ARMH3: variants seen among roughly 807,000 people sequenced by gnomAD.
The protein encoded by ARMH3 is armadillo like helical domain containing 3, also known as armadillo-like helical domain-containing protein 3.
A neutral mutation model predicts 99.1 loss-of-function variants in ARMH3; 60 were observed. That is an observed-to-expected ratio of 0.61 (90% CI 0.49 to 0.75). The LOEUF (loss-of-function observed/expected upper bound fraction) is 0.75, where lower values mean the gene tolerates loss of function less well. Among genes scored for constraint, ARMH3 ranks in the 30% least tolerant of loss-of-function variants. ARMH3 has a pLI of 0.00. For missense variants in ARMH3, 679 were observed against 843.1 expected, an observed-to-expected ratio of 0.81 and a Z score of 2.41; for synonymous variants, 285 against 292.8, an observed-to-expected ratio of 0.97 and a Z score of 0.27.
intron 23 of ARMH3, among the ~76,000 whole-genome samples, chr10:101,910,828 T>G (rs893340155): frequency 6.3e-5 from 9 of 143,956 alleles, no homozygotes; most frequent in African/African-American, 2.3e-4. Flanking sequence ...CACATTCAGG[T>G]TTTTTTTTTG....
At chr10:101,898,036 T>G (rs1020454967) in intron 23 of ARMH3, among the ~76,000 whole-genome samples, 2 of 152,180 alleles carry the variant, frequency 1.3e-5, no homozygotes, top group African/African-American at 4.8e-5. Context: ...GAACTTGCAT[T>G]AAAGATAAGC....
At chr10:101,920,409 G>A (rs1384418180) in intron 23 of ARMH3, among the ~76,000 whole-genome samples, 1 of 152,156 alleles carries the variant, frequency 6.6e-6, no homozygotes, top group Non-Finnish European at 1.5e-5. Flanking sequence ...GCAGTGAGGT[G>A]ACAGATAAGG....
chr10:102,029,172 G>A (rs1223037715), intron 5 of ARMH3, among the ~76,000 whole-genome samples: 1 of 152,204 alleles, frequency 6.6e-6, no homozygotes, highest in Non-Finnish European at 1.5e-5. Flanking sequence ...ATGGCGCCTG[G>A]TCAGATTGTA....
chr10:101,918,297 G>T (rs1251247681), intron 23 of ARMH3, among the ~76,000 whole-genome samples: 1 of 152,102 alleles, frequency 6.6e-6, no homozygotes, highest in Non-Finnish European at 1.5e-5. Flanking sequence ...CAAGTGATCC[G>T]CTGCCCTCGG....
intron 8 of ARMH3, among the ~76,000 whole-genome samples, chr10:102,022,304 G>A (rs2066902689): frequency 6.6e-6 from 1 of 151,226 alleles, no homozygotes. Context: ...ATACTCAATA[G>A]GGGAACTTCA....
At chr10:101,990,817 AT>A (rs1345206978) in intron 18 of ARMH3, among the ~76,000 whole-genome samples, 3 of 152,230 alleles carry the variant, frequency 2.0e-5, no homozygotes, top group African/African-American at 7.2e-5. Context: ...ATAAGAAATT[AT>A]TTCACTTGCT....
chr10:101,943,604 AT>A (rs1184199712), intron 22 of ARMH3, among the ~76,000 whole-genome samples: 1 of 152,232 alleles, frequency 6.6e-6, no homozygotes, highest in Non-Finnish European at 1.5e-5. Context: ...AAAAATCACA[AT>A]TTCTAAATTC....
At chr10:101,981,835 G>A (rs1370234419) in intron 19 of ARMH3, among the ~76,000 whole-genome samples, 3 of 151,336 alleles carry the variant, frequency 2.0e-5, no homozygotes, top group Non-Finnish European at 4.4e-5. Flanking sequence ...TGGCTAGCAC[G>A]GTGAAACCCC....
chr10:101,930,742 A>G (rs537063177), intron 23 of ARMH3, among the ~76,000 whole-genome samples: 6 of 152,200 alleles, frequency 3.9e-5, no homozygotes, highest in Non-Finnish European at 7.3e-5. Flanking sequence ...CTAAGCCCAG[A>G]TGAGTACAGA....
chr10:102,041,805 T>C (rs2067432392), intron 1 of ARMH3, among the ~76,000 whole-genome samples: 1 of 152,066 alleles, frequency 6.6e-6, no homozygotes, highest in Non-Finnish European at 1.5e-5. Flanking sequence ...TGTACCACCA[T>C]GCCTGGCTAA....
Position 101,846,892 on chromosome 10 carries a change from G to C in ARMH3, c.*636C>G, listed in dbSNP as rs376839511. 3.3e-5 allele frequency: 5 copies of C among 152,534 alleles called. No individual in the cohort carries two copies. Among genetic ancestry groups the C allele is most frequent in the African/African-American group, 1.2e-4 (5 of 41,440 alleles). 9.4% of individuals were successfully genotyped at this position (152,534 alleles called of 1,614,324 possible). ...GGAGAATCGCTTGAACCCAGGAAGC[G>C]GAGGCTGCAGTAAAGCCGAGATCAC... On this transcript the variant is annotated 3_prime_UTR_variant, in exon 26 of 26. Coordinates refer to ENST00000370033, the MANE Select transcript of ARMH3 (RefSeq NM_024541.3).
chr10:101,897,999 T>C (rs1242229276), intron 23 of ARMH3, among the ~76,000 whole-genome samples: 1 of 152,174 alleles, frequency 6.6e-6, no homozygotes, highest in African/African-American at 2.4e-5. Flanking sequence ...GCCGGGTGGT[T>C]GTTAACTGAG....
At chr10:101,867,304 A>G (rs926987192) in intron 24 of ARMH3, among the ~76,000 whole-genome samples, 1 of 152,180 alleles carries the variant, frequency 6.6e-6, no homozygotes, top group African/African-American at 2.4e-5. Context: ...AGTTCTTTTG[A>G]TACTGTACAA....
intron 8 of ARMH3, among the ~76,000 whole-genome samples, chr10:102,018,088 G>C (rs1386884040): frequency 1.3e-5 from 2 of 152,172 alleles, no homozygotes; most frequent in Non-Finnish European, 2.9e-5. Context: ...CCTCAGTGCA[G>C]CTCCTGACTT....
Position 102,024,114 on chromosome 10 carries a change from C to T in ARMH3, c.508-365G>A, listed in dbSNP as rs986790903. Among the ~76,000 whole-genome samples, 8 of 152,276 alleles carry T rather than the reference C, an allele frequency of 5.3e-5. No individual in the cohort carries two copies. In the South Asian group the frequency reaches 1.7e-3, roughly 32 times the overall value. On this transcript the variant is annotated intron_variant, in intron 6 of 25. Coordinates refer to ENST00000370033, the MANE Select transcript of ARMH3 (RefSeq NM_024541.3). ...ACCCTCCTAAAGTAAATAATCAACA[C>T]CCCACCCTCCTTCCACTAGAAATAC...
chr10:102,017,577 T>C (rs998912593), intron 8 of ARMH3, among the ~76,000 whole-genome samples: 2 of 152,202 alleles, frequency 1.3e-5, no homozygotes, highest in Admixed American at 6.5e-5. Context: ...CTATCACATA[T>C]AACCCTCACC....
intron 22 of ARMH3, among the ~76,000 whole-genome samples, chr10:101,943,577 T>A (rs1590059942): frequency 6.6e-6 from 1 of 151,904 alleles, no homozygotes; most frequent in South Asian, 2.1e-4. Flanking sequence ...CAGAACAAAA[T>A]CCAGCATCCA....
Position 101,926,415 on chromosome 10 carries a change from C to T in ARMH3, c.1781+13448G>A, listed in dbSNP as rs186408640. Among the ~76,000 whole-genome samples, 141 of 152,194 alleles carry T rather than the reference C, an allele frequency of 9.3e-4. 1 individual carries two copies. Among genetic ancestry groups the T allele is most frequent in the African/African-American group, 3.0e-3 (123 of 41,516 alleles). On this transcript the variant is annotated intron_variant, in intron 23 of 25. Coordinates refer to ENST00000370033, the MANE Select transcript of ARMH3 (RefSeq NM_024541.3). ...ACTAGTGATCCTCTTGCCTCAGCCT[C>T]CCAAAGCGCTGGGATTACAAGTGTG...
intron 23 of ARMH3, among the ~76,000 whole-genome samples, chr10:101,923,744 G>C (rs771248387): frequency 2.0e-5 from 3 of 152,042 alleles, no homozygotes; most frequent in Non-Finnish European, 2.9e-5. Flanking sequence ...TATCCAAATG[G>C]TGAATCCCTC....
Sources: allele counts gnomAD v4.1 joint callset (sites outside exome capture counted in the v4.1 genomes callset), GRCh38; gene constraint gnomAD v4.1.1; transcripts MANE v1.5; gene names NCBI Gene and HGNC (gene_info 2026-07-23, HGNC 2026-07-21).